The following DPY19L4 variants were observed in gnomAD, a reference collection of about 807,000 sequenced individuals.
DPY19L4 encodes the protein dpy-19 like 4, also known as probable C-mannosyltransferase DPY19L4.
A neutral mutation model predicts 102.8 loss-of-function variants in DPY19L4; 97 were observed. That is an observed-to-expected ratio of 0.94 (90% confidence interval 0.80 to 1.12). The LOEUF is 1.12. DPY19L4 is among the 50% of genes most tolerant of loss of function. The pLI is 0.00. For synonymous variants in DPY19L4, 252 were observed against 283.1 expected (o/e 0.89, Z 1.10); for missense variants, 815 against 850.4 (o/e 0.96, Z 0.52).
rs530148015 is a variant in DPY19L4, at chr8:94,792,999, T to G, written c.*3089T>G. ...TGAGCTGCTTTGTATTTTTTCTGAC[T>G]TTGGCATCTGTATCTTGGTGCTTTC... On this transcript the variant is annotated 3_prime_UTR_variant, in exon 19 of 19. Transcript: ENST00000414645. 4 of 152,388 alleles carry G rather than the reference T, an allele frequency of 2.6e-5. No individual in the cohort carries two copies. The highest frequency in any genetic ancestry group is 9.6e-5 in the African/African-American group (4 of 41,592). 9.4% of individuals were successfully genotyped at this position (152,388 alleles called of 1,614,324 possible).
At chr8:94,721,758 C>T (rs1205488284) in intron 1 of DPY19L4, among the ~76,000 whole-genome samples, 1 of 152,180 alleles carries the variant, frequency 6.6e-6, no homozygotes. Context: ...TTAAATAGAT[C>T]TGTGGAGCCA....
At chr8:94,748,508 C>A (rs79600032) in intron 6 of DPY19L4, among the ~76,000 whole-genome samples, 5,403 of 152,138 alleles carry the variant, frequency 0.036, 115 homozygotes, top group Admixed American at 0.04. Context: ...GAAAATAGGT[C>A]ATCTTTAGAA....
At chr8:94,720,052 G>C (rs754624782) in intron 1 of DPY19L4, 38 bp downstream of exon 1, 1 of 1,524,308 alleles carries the variant, frequency 6.6e-7, no homozygotes, top group South Asian at 1.2e-5. Context: ...ACGGCTGCCA[G>C]TGGTCTCGGG....
At chr8:94,778,098 G>T (rs1343796249) in intron 14 of DPY19L4, among the ~76,000 whole-genome samples, 1 of 152,042 alleles carries the variant, frequency 6.6e-6, no homozygotes, top group African/African-American at 2.4e-5. Flanking sequence ...AGCTGGGCAT[G>T]GTGGCGCATG....
intron 6 of DPY19L4, 79 bp from the exon 7 acceptor site, chr8:94,755,957 G>A: frequency 7.2e-7 from 1 of 1,394,276 alleles, no homozygotes; most frequent in Non-Finnish European, 9.8e-7. Context: ...AATGAGATTT[G>A]TGTTAAAGTA....
At chr8:94,730,741 G>C (rs1586312618) in intron 2 of DPY19L4, among the ~76,000 whole-genome samples, 1 of 138,078 alleles carries the variant, frequency 7.2e-6, no homozygotes, top group African/African-American at 2.7e-5. Flanking sequence ...GCGAAACTCT[G>C]TCTCTTTTTT....
At chr8:94,741,885 T>C (rs1811460945) in intron 6 of DPY19L4, among the ~76,000 whole-genome samples, 1 of 152,252 alleles carries the variant, frequency 6.6e-6, no homozygotes, top group African/African-American at 2.4e-5. Context: ...CCTTTTAGTA[T>C]AGAATGGAAT....
At position 94,733,118 on chromosome 8, in the gene DPY19L4, CTTTTTTTT is replaced by C. The variant is rs34879619; in HGVS notation, c.128-1494_128-1487del. ...CCACCACACTTAGCTTCATCTTAAC[CTTTTTTTT>C]TTTTTTTTTTTTTTTTTGAGACAGA... is the stretch of plus-strand genomic sequence containing the variant. On this transcript the variant is annotated intron_variant, in intron 2 of 18. Transcript: ENST00000414645. Among the ~76,000 whole-genome samples, 198 of 76,382 alleles carry C rather than the reference CTTTTTTTT, an allele frequency of 2.6e-3. 2 individuals are homozygous for C. The highest frequency in any genetic ancestry group is 0.011 in the African/African-American group (193 of 17,018). 50.1% of individuals were successfully genotyped at this position (76,382 alleles called of 152,430 possible).
intron 7 of DPY19L4, among the ~76,000 whole-genome samples, chr8:94,758,750 T>TG (rs1323838115): frequency 1.3e-5 from 2 of 152,060 alleles, no homozygotes; most frequent in East Asian, 3.9e-4. Flanking sequence ...TTTTTTTTTT[T>TG]GAGACGGAGT....
At chr8:94,727,255 A>G (rs1329594206) in intron 2 of DPY19L4, among the ~76,000 whole-genome samples, 1 of 152,210 alleles carries the variant, frequency 6.6e-6, no homozygotes, top group African/African-American at 2.4e-5. Context: ...GATTTTTGAG[A>G]CAGAGTCTCG....
Position 94,765,814 on chromosome 8 carries a change from G to A in DPY19L4, c.1101+5G>A. The stretch of plus-strand genomic sequence containing the variant: ...ACATTGAATATTATAATGAAGGTAA[G>A]TAACTCTCTGGGATTCATATAGTAA... On this transcript the variant is annotated splice_donor_5th_base_variant and intron_variant, in intron 10 of 18. Coordinates refer to ENST00000414645, the MANE Select transcript of DPY19L4 (RefSeq NM_181787.3). 1 of 1,499,482 alleles carries A rather than the reference G, an allele frequency of 6.7e-7. No individual in the cohort carries two copies. The highest frequency in any genetic ancestry group is 1.9e-5 in the Admixed American group (1 of 52,830). 92.9% of individuals were successfully genotyped at this position (1,499,482 alleles called of 1,614,324 possible).
rs1443157065 is a variant in DPY19L4, at chr8:94,720,177, G to C, written c.16+163G>C. The C allele has an allele frequency of 4.1e-5, 40 of 985,420 alleles. No individual in the cohort carries two copies. The South Asian group carries it at 1.7e-3, about 43-fold the overall frequency. 61.0% of individuals were successfully genotyped at this position (985,420 alleles called of 1,614,324 possible). A position where few individuals can be genotyped will look rare whatever the true frequency, so the allele number is the denominator to read the frequency against. ...GCGGCGCCCAGGAGAGGACTGCGGA[G>C]AAATTCAGGAGAGCGGAGCAAATGG... On this transcript the variant is annotated intron_variant, in intron 1 of 18. Coordinates refer to ENST00000414645, the MANE Select transcript of DPY19L4 (RefSeq NM_181787.3).
intron 14 of DPY19L4, 88 bp downstream of exon 14, chr8:94,777,874 G>A: frequency 7.1e-7 from 1 of 1,407,562 alleles, no homozygotes; most frequent in South Asian, 1.4e-5. Flanking sequence ...AATTGAAATA[G>A]CATGAGTAAA....
At chr8:94,756,982 G>A (rs974420211) in intron 7 of DPY19L4, among the ~76,000 whole-genome samples, 5 of 152,178 alleles carry the variant, frequency 3.3e-5, no homozygotes, top group African/African-American at 7.2e-5. Flanking sequence ...CTGAGATCAC[G>A]CCACTGCCTT....
chr8:94,751,792 A>G (rs1004277229), intron 6 of DPY19L4, among the ~76,000 whole-genome samples: 15 of 152,008 alleles, frequency 9.9e-5, no homozygotes, highest in Non-Finnish European at 2.1e-4. Context: ...GCCCAGCATA[A>G]TTTGCTTTCA....
In DPY19L4 at chr8:94,783,938, A is replaced by T. The variant is rs535556806; in HGVS notation, c.1848+136A>T. ...AGAAGAGTTAATTAACTTCCATTTT[A>T]AAAAACCTTTTTAATTAATAATACA... On this transcript the variant is annotated intron_variant, in intron 17 of 18. Transcript: ENST00000414645. 942 of 1,023,900 alleles carry T rather than the reference A, an allele frequency of 9.2e-4. 2 individuals are homozygous for T. Among genetic ancestry groups the T allele is most frequent in the Non-Finnish European group, 1.1e-3 (780 of 735,056 alleles). The allele number at this position is 1,023,900 out of a possible 1,614,324, so 63.4% of individuals were successfully genotyped here.
intron 6 of DPY19L4, among the ~76,000 whole-genome samples, chr8:94,753,465 T>C (rs1812032848): frequency 6.6e-6 from 1 of 152,210 alleles, no homozygotes; most frequent in South Asian, 2.1e-4. Flanking sequence ...TTTTACCCTG[T>C]TTTTATCTCT....
chr8:94,748,717 C>T (rs1414293551), intron 6 of DPY19L4, among the ~76,000 whole-genome samples: 8 of 152,172 alleles, frequency 5.3e-5, no homozygotes, highest in Non-Finnish European at 1.5e-5. Context: ...GCCTGAGCTC[C>T]GCCTCCTGTC....
chr8:94,780,176 T>A (rs1235438190), intron 14 of DPY19L4, among the ~76,000 whole-genome samples, 183 bp from the exon 15 acceptor site: 1 of 152,198 alleles, frequency 6.6e-6, no homozygotes, highest in African/African-American at 2.4e-5. Context: ...CAGCTTAATA[T>A]CTTTGAAAGT....
Sources: allele counts gnomAD v4.1 joint callset (sites outside exome capture counted in the v4.1 genomes callset), GRCh38; gene constraint gnomAD v4.1.1; transcripts MANE v1.5; gene names NCBI Gene and HGNC (gene_info 2026-07-23, HGNC 2026-07-21).